JDP2: variants seen among roughly 807,000 people sequenced by gnomAD.
The protein encoded by JDP2 is Jun dimerization protein 2.
Under a neutral mutation model 17.1 loss-of-function variants are expected in JDP2, and 9 were observed. The ratio of observed to expected loss-of-function variants is 0.53; its 90% CI spans 0.32 to 0.92. The LOEUF is 0.92. JDP2 is among the 40% of genes least tolerant of loss of function. The pLI, the probability that JDP2 is intolerant of heterozygous loss-of-function variation, is 0.04. For missense variants in JDP2, 179 were observed against 220.0 expected (o/e 0.81, Z 1.18); for synonymous variants, 107 against 95.6 (o/e 1.12, Z -0.69).
intron 2 of JDP2, among the ~76,000 whole-genome samples, chr14:75,453,014 T>G (rs1209174204): frequency 1.3e-5 from 2 of 152,156 alleles, no homozygotes; most frequent in Admixed American, 1.3e-4. Flanking sequence ...TGGGAGGGCC[T>G]GGCCCCTGCA....
chr14:75,428,895 C>T lies in JDP2; in HGVS notation c.-24+643C>T, dbSNP rs1199084731. On this transcript the variant is annotated intron_variant, in intron 1 of 3. Coordinates refer to ENST00000651602, the MANE Select transcript of JDP2 (RefSeq NM_001135048.2). The surrounding 1 kb of genome is among the most constrained non-coding windows in gnomAD (Gnocchi z 5.6). ...CGGGGTCCCCTTTGGGCTCTCCTGT[C>T]TCCCACGCCAGGTTATATAAGGAGG... Among the ~76,000 whole-genome samples the T allele has an allele frequency of 2.0e-5, 3 of 152,150 alleles. No individual in the cohort carries two copies. The highest frequency in any genetic ancestry group is 7.2e-5 in the African/African-American group (3 of 41,434).
intron 3 of JDP2, among the ~76,000 whole-genome samples, chr14:75,464,965 C>G (rs1237302408): frequency 6.6e-6 from 1 of 152,194 alleles, no homozygotes; most frequent in African/African-American, 2.4e-5. Flanking sequence ...CTCACACTCC[C>G]GTGGTGCCCT....
intron 1 of JDP2, among the ~76,000 whole-genome samples, chr14:75,433,986 T>G (rs1346834812): frequency 6.6e-6 from 1 of 152,160 alleles, no homozygotes; most frequent in Non-Finnish European, 1.5e-5. Flanking sequence ...TCTGAAGCTT[T>G]TAGTGCGTAG....
intron 1 of JDP2, among the ~76,000 whole-genome samples, chr14:75,431,430 C>T (rs568672154): frequency 5.3e-5 from 8 of 152,290 alleles, no homozygotes; most frequent in Middle Eastern, 3.4e-3. Context: ...ACCCAGCTAC[C>T]GCTCCTTGTC....
At chr14:75,427,970 C>A (rs1206365694), upstream of JDP2, 1 of 151,914 alleles carries the variant, frequency 6.6e-6, no homozygotes, top group African/African-American at 2.4e-5. The surrounding 1 kb of genome is among the most constrained non-coding windows in gnomAD (Gnocchi z 4.4). Flanking sequence ...TTCCCGACCC[C>A]TCCCCGCCGC....
chr14:75,437,995 C>T lies in JDP2; in HGVS notation c.75C>T (p.Leu25=). Residue 25 remains leucine, a synonymous_variant, in exon 2 of 4, where the codon CTC becomes CTT. Transcript: ENST00000651602. Reference sequence around the variant, plus strand: ...CAGGGCTTGGCCCCCTGACCGGGCTCCCCAGCTCGGCCCTGACTGTGGAGG... The same window carrying T: ...CAGGGCTTGGCCCCCTGACCGGGCTTCCCAGCTCGGCCCTGACTGTGGAGG... ...SLPGLGPLTG[L]PSSALTVEEL... 2 of 1,613,724 alleles carry T rather than the reference C, an allele frequency of 1.2e-6. No homozygotes were observed. The highest frequency in any genetic ancestry group is 1.7e-4 in the Middle Eastern group (1 of 6,058).
At chr14:75,454,594 G>A (rs1309630938) in intron 2 of JDP2, among the ~76,000 whole-genome samples, 1 of 152,210 alleles carries the variant, frequency 6.6e-6, no homozygotes, top group Non-Finnish European at 1.5e-5. Context: ...AGGTTCTCAT[G>A]GGAAACTGAC....
chr14:75,461,337 G>T, intron 2 of JDP2, 89 bp from the exon 3 acceptor site: 2 of 947,346 alleles, frequency 2.1e-6, no homozygotes, highest in South Asian at 2.8e-5. Context: ...GGTTAGAAAG[G>T]CGAAGTTGTC....
chr14:75,444,768 G>C (rs571028834), intron 2 of JDP2, among the ~76,000 whole-genome samples: 1 of 152,218 alleles, frequency 6.6e-6, no homozygotes, highest in Non-Finnish European at 1.5e-5. Context: ...TCCATGTGTA[G>C]TGAACTACCT....
chr14:75,464,298 T>C (rs1241043214), intron 3 of JDP2, among the ~76,000 whole-genome samples: 1 of 152,192 alleles, frequency 6.6e-6, no homozygotes, highest in Non-Finnish European at 1.5e-5. Context: ...TAGTAATTAT[T>C]TAAGTAAGGG....
chr14:75,442,229 T>C (rs1236400647), intron 2 of JDP2, among the ~76,000 whole-genome samples: 1 of 152,150 alleles, frequency 6.6e-6, no homozygotes, highest in Non-Finnish European at 1.5e-5. Context: ...TTTTAAAAAA[T>C]TGAATGAATT....
Position 75,440,768 on chromosome 14 carries a change from C to T in JDP2, c.201+2647C>T, listed in dbSNP as rs1359939309. On this transcript the variant is annotated intron_variant, in intron 2 of 3. Transcript: ENST00000651602. ...CTTGTGCTGAGCTAAGCCCTAGGCA[C>T]GGTACTAGGTCTCTTTGTGAAGTAC... is the stretch of plus-strand genomic sequence containing the variant. Among the ~76,000 whole-genome samples the T allele has an allele frequency of 7.2e-5, 11 of 152,288 alleles. No individual in the cohort carries two copies. In the East Asian group the frequency reaches 9.6e-4, roughly 13 times the overall value.
intron 2 of JDP2, among the ~76,000 whole-genome samples, chr14:75,446,630 C>T (rs1335594771): frequency 6.6e-6 from 1 of 152,002 alleles, no homozygotes; most frequent in African/African-American, 2.4e-5. Context: ...GGAAGTAGAG[C>T]CAGTACTGTG....
In JDP2 at chr14:75,446,376, A is replaced by C. The variant is rs116311553; in HGVS notation, c.201+8255A>C. On this transcript the variant is annotated intron_variant, in intron 2 of 3. Coordinates refer to ENST00000651602, the MANE Select transcript of JDP2 (RefSeq NM_001135048.2). Reference sequence around the variant, plus strand: ...ATGAGAGTTTACAGTGGCATTATTCATAATAGCTCCAAAGTGGAAGCAGCT... The same window carrying C: ...ATGAGAGTTTACAGTGGCATTATTCCTAATAGCTCCAAAGTGGAAGCAGCT... 7.6e-3 allele frequency among the ~76,000 whole-genome samples: 1,159 copies of C among 152,368 alleles called. 13 individuals carry two copies. Among genetic ancestry groups the C allele is most frequent in the African/African-American group, 0.026 (1,068 of 41,582 alleles).
In JDP2 at chr14:75,473,235, A is replaced by T. The variant is rs1886849469; in HGVS notation, c.*3760A>T. The T allele has an allele frequency of 6.6e-6, 1 of 152,190 alleles. No homozygotes were observed. The allele number at this position is 152,190 out of a possible 1,614,324, so 9.4% of individuals were successfully genotyped here. A position where few individuals can be genotyped will look rare whatever the true frequency, so the allele number is the denominator to read the frequency against. On this transcript the variant is annotated 3_prime_UTR_variant, in exon 4 of 4. Transcript: ENST00000651602. The stretch of plus-strand genomic sequence containing the variant: ...GTGCCTGTAGTCCCAGCTACTCGGG[A>T]GGCTGAGGCAGGAGAATCACTTGGA...
At chr14:75,442,658 A>T (rs1885408755) in intron 2 of JDP2, among the ~76,000 whole-genome samples, 2 of 152,278 alleles carry the variant, frequency 1.3e-5, no homozygotes, top group African/African-American at 4.8e-5. Flanking sequence ...AAAATACAAC[A>T]AAAATCAAAC....
At chr14:75,444,142 G>A (rs1054302795) in intron 2 of JDP2, among the ~76,000 whole-genome samples, 1 of 152,126 alleles carries the variant, frequency 6.6e-6, no homozygotes, top group Non-Finnish European at 1.5e-5. Context: ...GGGCTCAAGC[G>A]ATCCTCCCAT....
intron 2 of JDP2, chr14:75,445,709 A>T (rs556927555): frequency 2.0e-6 from 1 of 506,602 alleles, no homozygotes; most frequent in South Asian, 8.5e-5. Context: ...AAAACTAGAA[A>T]ACTCTTAGAA....
At chr14:75,447,082 T>G (rs1885635964) in intron 2 of JDP2, among the ~76,000 whole-genome samples, 1 of 152,196 alleles carries the variant, frequency 6.6e-6, no homozygotes, top group South Asian at 2.1e-4. Context: ...TGGTATAGAA[T>G]AGCAGTTTCT....
Sources: gnomAD v4.1 joint callset for allele counts (sites outside exome capture counted in the v4.1 genomes callset) on GRCh38, gnomAD v4.1.1 for gene constraint, Gnocchi (gnomAD v3.1) non-coding constraint, MANE v1.5 for transcripts, NCBI Gene and HGNC (gene_info 2026-07-23, HGNC 2026-07-21) for gene names.